SLC5A10: variants seen among roughly 807,000 people sequenced by gnomAD.
The protein encoded by SLC5A10 is solute carrier family 5 member 10.
SLC5A10 carries 55 observed loss-of-function variants against 68.9 expected under a neutral mutation model. The ratio of observed to expected loss-of-function variants is 0.80; its 90% CI spans 0.64 to 1.00. The LOEUF (loss-of-function observed/expected upper bound fraction) is 1.00. SLC5A10 is among the 50% of genes least tolerant of loss of function. The probability of loss-of-function intolerance (pLI) is 0.00; values close to 1 mark genes in which losing one functional copy is unlikely to be tolerated. For missense variants in SLC5A10, 732 were observed against 819.3 expected, an observed-to-expected ratio of 0.89 and a Z score of 1.30; for synonymous variants, 344 against 344.8, an observed-to-expected ratio of 1.00 and a Z score of 0.02.
intron 10 of SLC5A10, among the ~76,000 whole-genome samples, chr17:19,014,608 G>A (rs947788850): frequency 2.6e-5 from 4 of 152,170 alleles, no homozygotes; most frequent in Admixed American, 6.5e-5. Flanking sequence ...AAGTCCTGCC[G>A]CTGGCCTGCT....
At position 19,003,311 on chromosome 17, in the gene SLC5A10, C is replaced by T. The variant is rs746937067; in HGVS notation, c.983-10099C>T. Among the ~76,000 whole-genome samples the T allele has an allele frequency of 1.3e-5, 2 of 151,968 alleles. No homozygotes were observed. Among genetic ancestry groups the T allele is most frequent in the Non-Finnish European group, 2.9e-5 (2 of 67,922 alleles). The stretch of plus-strand genomic sequence containing the variant: ...AGACGGGGCAGCCCACTGTCACCTG[C>T]TAGGACCTGGGAACCCTACCCTGCA... On this transcript the variant is annotated intron_variant, in intron 9 of 14. Transcript: ENST00000395645. This position sits in a 1 kb window ranked among gnomAD's most constrained non-coding sequence, Gnocchi z 4.5.
At chr17:18,978,881 C>A (rs757160602) in intron 9 of SLC5A10, 5 of 1,605,236 alleles carry the variant, frequency 3.1e-6, no homozygotes, top group African/African-American at 1.3e-5. Context: ...GCTGGTCAGG[C>A]ACATGACCCT....
In SLC5A10 at chr17:18,971,388, G is replaced by A; in HGVS notation, c.846+170G>A. The A allele has an allele frequency of 6.2e-7, 1 of 1,613,406 alleles. No homozygotes were observed. Among genetic ancestry groups the A allele is most frequent in the South Asian group, 1.1e-5 (1 of 91,064 alleles). On this transcript the variant is annotated intron_variant, in intron 8 of 14. Coordinates refer to ENST00000395645, the MANE Select transcript of SLC5A10 (RefSeq NM_001042450.4). The surrounding 1 kb of genome is among the most constrained non-coding windows in gnomAD (Gnocchi z 5.5). ...GGGTCTTTGCGGTCCCGGGGGGCTT[G>A]AGCCCTCCGTTTAGAATCCGATGAG...
chr17:19,009,608 CG>C (rs571561056), intron 9 of SLC5A10, among the ~76,000 whole-genome samples: 73 of 152,256 alleles, frequency 4.8e-4, no homozygotes, highest in African/African-American at 1.7e-3. Context: ...GAGAATGTGC[CG>C]GGCCTGGTTA....
intron 3 of SLC5A10, 101 bp downstream of exon 3, chr17:18,959,340 TC>T: frequency 7.9e-7 from 1 of 1,265,158 alleles, no homozygotes; most frequent in Non-Finnish European, 1.1e-6. Context: ...TCAGCCGATG[TC>T]CAGGTGGGCT....
intron 9 of SLC5A10, among the ~76,000 whole-genome samples, chr17:19,006,588 T>C (rs1452065124): frequency 2.6e-5 from 4 of 152,098 alleles, no homozygotes; most frequent in African/African-American, 9.7e-5. Context: ...TACAACCTTA[T>C]TATGTGTATA....
At chr17:19,009,936 G>A (rs1413227423) in intron 9 of SLC5A10, among the ~76,000 whole-genome samples, 3 of 152,098 alleles carry the variant, frequency 2.0e-5, no homozygotes, top group Admixed American at 6.5e-5. Context: ...GCAGAAGGTG[G>A]GAAGGGTGTT....
rs1282603057 is a variant in SLC5A10, at chr17:18,974,206, AG to A, written c.847-2647del. The stretch of plus-strand genomic sequence containing the variant: ...ATGCCCAGCCAATTTTTGTATTTTT[AG>A]TAGAAATGGGGTTTCACCATGTTGG... On this transcript the variant is annotated intron_variant, in intron 8 of 14. Coordinates refer to ENST00000395645, the MANE Select transcript of SLC5A10 (RefSeq NM_001042450.4). 3.9e-5 allele frequency among the ~76,000 whole-genome samples: 6 copies of A among 152,088 alleles called. No homozygotes were observed. In the East Asian group the frequency reaches 1.2e-3, roughly 29 times the overall value.
rs201786198 is a variant in SLC5A10, at chr17:19,015,095, G to A, written c.1137G>A (p.Ser379=). 5.6e-6 allele frequency: 9 copies of A among 1,612,986 alleles called. No individual in the cohort carries two copies. Among genetic ancestry groups the A allele is most frequent in the Admixed American group, 3.3e-5 (2 of 59,932 alleles). Reference sequence around the variant, plus strand: ...CAGTGATGCTGGCGGCGCTCATGTCGTCGCTGACCTCCATCTTCAACAGCA... The same window carrying A: ...CAGTGATGCTGGCGGCGCTCATGTCATCGCTGACCTCCATCTTCAACAGCA... ...MIAVMLAALM[S]SLTSIFNSSS... The change falls in exon 11 of 15, where the codon TCG becomes TCA. Residue 379 remains serine, a synonymous_variant. Coordinates refer to ENST00000395645, the MANE Select transcript of SLC5A10 (RefSeq NM_001042450.4).
At chr17:18,972,867 T>TA (rs35947526) in intron 8 of SLC5A10, among the ~76,000 whole-genome samples, 13,719 of 137,712 alleles carry the variant, frequency 0.1, 796 homozygotes, top group South Asian at 0.3. Flanking sequence ...AGACTCCGTC[T>TA]AAAAAAAAAA....
chr17:18,961,121 G>A (rs1036744236), intron 5 of SLC5A10, among the ~76,000 whole-genome samples: 3 of 152,204 alleles, frequency 2.0e-5, no homozygotes, highest in Admixed American at 1.3e-4. Flanking sequence ...CTGCCCCCAC[G>A]GGCATATTAA....
chr17:19,008,735 G>A (rs973677187), intron 9 of SLC5A10, among the ~76,000 whole-genome samples: 1 of 151,856 alleles, frequency 6.6e-6, no homozygotes, highest in Non-Finnish European at 1.5e-5. Flanking sequence ...TCCTGACCTC[G>A]TGATCTGCCC....
chr17:18,977,758 T>G, intron 9 of SLC5A10: 1 of 1,604,744 alleles, frequency 6.2e-7, no homozygotes, highest in Non-Finnish European at 8.5e-7. Flanking sequence ...CGTTGGCCAC[T>G]TGCTCTGAGT....
At position 19,017,395 on chromosome 17, in the gene SLC5A10, G is replaced by A; in HGVS notation, c.1242-2028G>A. On this transcript the variant is annotated intron_variant, in intron 11 of 14. Transcript: ENST00000395645. This position sits in a 1 kb window ranked among gnomAD's most constrained non-coding sequence, Gnocchi z 5.6. ...TAGGCCTCGTGGTCATGGATCTCTG[G>A]TAGGGTGAATGGCCTGACAACAGTC... 1 of 1,551,348 alleles carries A rather than the reference G, an allele frequency of 6.4e-7. No individual in the cohort carries two copies. The highest frequency in any genetic ancestry group is 8.7e-7 in the Non-Finnish European group (1 of 1,146,594).
chr17:18,976,697 A>T (rs987664329), intron 8 of SLC5A10, 157 bp from the exon 9 acceptor site: 4 of 937,970 alleles, frequency 4.3e-6, no homozygotes, highest in African/African-American at 3.3e-5. Flanking sequence ...TGGGACCCTG[A>T]CAGTATTGGG....
intron 9 of SLC5A10, among the ~76,000 whole-genome samples, chr17:18,998,395 C>A (rs868682801): frequency 6.6e-6 from 1 of 152,378 alleles, no homozygotes; most frequent in Middle Eastern, 3.4e-3. Flanking sequence ...GGCCAGGACC[C>A]TCAGCTGCAG....
At chr17:18,988,440 C>T (rs2043324015) in intron 9 of SLC5A10, 4 of 1,611,850 alleles carry the variant, frequency 2.5e-6, no homozygotes, top group South Asian at 1.1e-5. Flanking sequence ...GAGACTAGGG[C>T]CTGTCAGACA....
Position 18,955,913 on chromosome 17 carries a change from G to A in SLC5A10, c.112-2769G>A, listed in dbSNP as rs182157124. ...CCTGTCTTAAAAATAAAAATAAATA[G>A]GCCGGGCGCGGTGGCTCATGCCTGT... is the stretch of plus-strand genomic sequence containing the variant. On this transcript the variant is annotated intron_variant, in intron 1 of 14. Transcript: ENST00000395645. Among the ~76,000 whole-genome samples, 6 of 152,238 alleles carry A rather than the reference G, an allele frequency of 3.9e-5. No individual in the cohort carries two copies. In the East Asian group the frequency reaches 1.2e-3, roughly 29 times the overall value.
Position 19,019,717 on chromosome 17 carries a change from C to A in SLC5A10, c.1415C>A (p.Ala472Asp), listed in dbSNP as rs776577362. The A allele has an allele frequency of 6.2e-7, 1 of 1,609,742 alleles. No individual in the cohort carries two copies. Among genetic ancestry groups the A allele is most frequent in the Non-Finnish European group, 8.5e-7 (1 of 1,179,420 alleles). Residue 472 changes from alanine to aspartate, a missense_variant, in exon 13 of 15, where the codon GCC (alanine) becomes GAC (aspartate). Coordinates refer to ENST00000395645, the MANE Select transcript of SLC5A10 (RefSeq NM_001042450.4). The stretch of plus-strand genomic sequence containing the variant: ...CCCTGCCTCCCTCCTCCCCAGGGGG[C>A]CTTCTGGGGCCTGATAGCAGGGCTG... The part of the protein sequence containing the change: ...VFWRRANEQG[A>D]FWGLIAGLVV...
Sources: gnomAD v4.1 joint callset for allele counts (sites outside exome capture counted in the v4.1 genomes callset) on GRCh38, gnomAD v4.1.1 for gene constraint, Gnocchi (gnomAD v3.1) non-coding constraint, MANE v1.5 for transcripts, NCBI Gene and HGNC (gene_info 2026-07-23, HGNC 2026-07-21) for gene names.